ACTR3C: variants seen among roughly 807,000 people sequenced by gnomAD.
ACTR3C encodes actin-related protein 3C.
Under a neutral mutation model 26.3 loss-of-function variants are expected in ACTR3C, and 18 were observed. The ratio of observed to expected loss-of-function variants is 0.68; its 90% CI spans 0.47 to 1.01. ACTR3C has a LOEUF of 1.01. Among genes scored for constraint, ACTR3C ranks in the 50% least tolerant of loss-of-function variants. The pLI, the probability that ACTR3C is intolerant of heterozygous loss-of-function variation, is 0.00. For synonymous variants in ACTR3C, 55 were observed against 94.5 expected, an observed-to-expected ratio of 0.58 and a Z score of 2.42; for missense variants, 184 against 250.7, an observed-to-expected ratio of 0.73 and a Z score of 1.80.
intron 6 of ACTR3C, among the ~76,000 whole-genome samples, chr7:150,266,695 G>C (rs184804718): frequency 2.9e-4 from 44 of 152,226 alleles, no homozygotes; most frequent in African/African-American, 9.9e-4. Context: ...TTGTATCTAG[G>C]ATATCTGAAG....
chr7:150,189,318 G>A, the ACTR3C span, among the ~76,000 whole-genome samples: 3 of 152,168 alleles, frequency 2.0e-5, no homozygotes, highest in African/African-American at 4.8e-5. Flanking sequence ...CATGTTGTGT[G>A]GTTGTGATAC....
At chr7:150,092,396 T>C in the ACTR3C span, among the ~76,000 whole-genome samples, 2 of 151,642 alleles carry the variant, frequency 1.3e-5, no homozygotes. Flanking sequence ...CACACAGCCC[T>C]GGTGCCAGAG....
At chr7:150,068,557 A>G in the ACTR3C span, among the ~76,000 whole-genome samples, 11 of 151,714 alleles carry the variant, frequency 7.3e-5, no homozygotes, top group African/African-American at 2.4e-4. Flanking sequence ...GGAGGATCAC[A>G]AGGTCAGGAG....
the ACTR3C span, among the ~76,000 whole-genome samples, chr7:150,209,937 G>T: frequency 2.1e-5 from 3 of 140,880 alleles, no homozygotes; most frequent in South Asian, 6.8e-4. Context: ...AAAAAAAAAA[G>T]ATTTATTTAT....
the ACTR3C span, among the ~76,000 whole-genome samples, chr7:150,035,170 G>T: frequency 2.8e-4 from 40 of 140,960 alleles, 3 homozygotes; most frequent in Non-Finnish European, 5.5e-4. Flanking sequence ...GCCAGGGGGG[G>T]AAGAGGGTCT....
At chr7:149,919,334 G>A in the ACTR3C span, among the ~76,000 whole-genome samples, 136 of 150,876 alleles carry the variant, frequency 9.0e-4, no homozygotes, top group African/African-American at 2.8e-3. Context: ...GCCACCTCCC[G>A]GGTTCAAGCG....
chr7:150,001,875 G>C, the ACTR3C span: 2 of 152,000 alleles, frequency 1.3e-5, no homozygotes, highest in African/African-American at 4.8e-5. Flanking sequence ...AGAAAGGGAG[G>C]CAAGAGCGAG....
chr7:150,020,734 G>T, the ACTR3C span, among the ~76,000 whole-genome samples: 1 of 151,722 alleles, frequency 6.6e-6, no homozygotes, highest in Non-Finnish European at 1.5e-5. Flanking sequence ...TTAATCTCAG[G>T]CTTTATTCTA....
At chr7:150,191,538 T>C in the ACTR3C span, among the ~76,000 whole-genome samples, 1 of 152,222 alleles carries the variant, frequency 6.6e-6, no homozygotes, top group Admixed American at 6.5e-5. Context: ...AGAAAAACAA[T>C]TAATTTTTGT....
At chr7:149,942,916 C>A in the ACTR3C span, among the ~76,000 whole-genome samples, 1 of 151,710 alleles carries the variant, frequency 6.6e-6, no homozygotes, top group Non-Finnish European at 1.5e-5. Context: ...TTATGTTTCA[C>A]ATGCTTGGGC....
At chr7:150,312,560 A>C (rs55715989) in intron 1 of ACTR3C, among the ~76,000 whole-genome samples, 39,948 of 152,052 alleles carry the variant, frequency 0.26, 5,472 homozygotes, top group East Asian at 0.43. Context: ...TTTTTAGAGA[A>C]CTTATTTTAT....
chr7:150,297,562 T>A (rs1418553455), intron 1 of ACTR3C, among the ~76,000 whole-genome samples: 1 of 152,164 alleles, frequency 6.6e-6, no homozygotes, highest in Non-Finnish European at 1.5e-5. Context: ...GAATAAAGAC[T>A]TTTCTTTGGC....
the ACTR3C span, among the ~76,000 whole-genome samples, chr7:150,191,808 CT>C: frequency 5.9e-5 from 9 of 152,124 alleles, no homozygotes; most frequent in Non-Finnish European, 1.0e-4. Context: ...AGGAGTGGAT[CT>C]TTTGGATTAA....
the ACTR3C span, among the ~76,000 whole-genome samples, chr7:149,924,733 C>T: frequency 1.3e-3 from 204 of 151,338 alleles, no homozygotes; most frequent in African/African-American, 4.7e-3. Context: ...TCAAACGAGT[C>T]TCCTGCCTCA....
chr7:149,938,611 A>T, the ACTR3C span, among the ~76,000 whole-genome samples: 4 of 152,278 alleles, frequency 2.6e-5, no homozygotes, highest in East Asian at 7.7e-4. Flanking sequence ...ATCCATCCAG[A>T]TTATTCAATT....
At chr7:150,136,295 C>A in the ACTR3C span, among the ~76,000 whole-genome samples, 2 of 152,190 alleles carry the variant, frequency 1.3e-5, no homozygotes, top group Non-Finnish European at 2.9e-5. Flanking sequence ...GAAACGCCAA[C>A]AAGAGATGAA....
At chr7:150,037,375 G>A in the ACTR3C span, among the ~76,000 whole-genome samples, 11 of 58,412 alleles carry the variant, frequency 1.9e-4, no homozygotes, top group East Asian at 7.8e-4. Flanking sequence ...CCTCGCGGGG[G>A]GTGCCTCCCC....
the ACTR3C span, among the ~76,000 whole-genome samples, chr7:150,045,423 TA>T: frequency 6.6e-6 from 1 of 152,268 alleles, no homozygotes; most frequent in Admixed American, 6.5e-5. Context: ...TTAAAGGACA[TA>T]TGTGCAATGC....
chr7:150,160,769 C>A, the ACTR3C span, among the ~76,000 whole-genome samples: 12 of 151,868 alleles, frequency 7.9e-5, no homozygotes, highest in Non-Finnish European at 1.6e-4. Flanking sequence ...CACCTGTGTT[C>A]CTGGTGCCTT....
Sources: gnomAD v4.1 joint callset for allele counts (sites outside exome capture counted in the v4.1 genomes callset) on GRCh38, gnomAD v4.1.1 for gene constraint, MANE v1.5 for transcripts, NCBI Gene and HGNC (gene_info 2026-07-23, HGNC 2026-07-21) for gene names.